PBLD: variants seen among roughly 807,000 people sequenced by gnomAD.
PBLD encodes the protein phenazine biosynthesis like protein domain containing.
Under a neutral mutation model 31.3 loss-of-function variants are expected in PBLD, and 26 were observed. The ratio of observed to expected loss-of-function variants is 0.83; its 90% CI spans 0.61 to 1.15. PBLD has a LOEUF of 1.15. PBLD is among the 50% of genes most tolerant of loss of function. The pLI, the probability that PBLD is intolerant of heterozygous loss-of-function variation, is 0.00. For synonymous variants in PBLD, 114 were observed against 129.0 expected, an observed-to-expected ratio of 0.88 and a Z score of 0.79; for missense variants, 307 against 351.7, an observed-to-expected ratio of 0.87 and a Z score of 1.02.
chr10:68,298,393 A>G (rs920189874), intron 2 of PBLD, among the ~76,000 whole-genome samples: 8 of 152,164 alleles, frequency 5.3e-5, no homozygotes, highest in African/African-American at 1.9e-4. Flanking sequence ...TTGGGAGGCC[A>G]AGGAGAGTGG....
intron 6 of PBLD, 82 bp downstream of exon 6, chr10:68,291,928 T>C: frequency 2.9e-6 from 4 of 1,388,342 alleles, no homozygotes; most frequent in Middle Eastern, 2.1e-4. Context: ...AAAATGCCTA[T>C]CTTTGTGGAT....
At chr10:68,322,741 A>G (rs2134539755) in intron 1 of PBLD, among the ~76,000 whole-genome samples, 1 of 151,620 alleles carries the variant, frequency 6.6e-6, no homozygotes, top group Admixed American at 6.6e-5. Context: ...CCATCAATGT[A>G]AGATTTGTTT....
intron 8 of PBLD, among the ~76,000 whole-genome samples, chr10:68,286,435 C>A (rs1166912808): frequency 6.6e-6 from 1 of 152,020 alleles, no homozygotes; most frequent in Non-Finnish European, 1.5e-5. Flanking sequence ...CTCCTTCTTC[C>A]CAGAGTGCAT....
chr10:68,300,419 AC>A (rs2044490346), intron 2 of PBLD, among the ~76,000 whole-genome samples: 1 of 152,154 alleles, frequency 6.6e-6, no homozygotes, highest in African/African-American at 2.4e-5. Context: ...GAGAAAATGG[AC>A]CCCTGCAAGG....
intron 1 of PBLD, among the ~76,000 whole-genome samples, chr10:68,328,036 G>A (rs887880254): frequency 1.3e-5 from 2 of 152,108 alleles, no homozygotes; most frequent in Non-Finnish European, 2.9e-5. Flanking sequence ...AAACAAAAAA[G>A]TATCAAGAAT....
At chr10:68,331,577 C>G (rs2134588030) in intron 1 of PBLD, 1 of 152,398 alleles carries the variant, frequency 6.6e-6, no homozygotes, top group South Asian at 2.1e-4. Context: ...AGAAACACTC[C>G]TATTTTTCAC....
chr10:68,291,572 C>G (rs908554324), intron 6 of PBLD, among the ~76,000 whole-genome samples: 1 of 152,112 alleles, frequency 6.6e-6, no homozygotes. Flanking sequence ...CTCTTTCTGC[C>G]AGAAATTCCC....
chr10:68,328,224 A>G (rs2044954201), intron 1 of PBLD, among the ~76,000 whole-genome samples: 2 of 152,198 alleles, frequency 1.3e-5, no homozygotes, highest in Non-Finnish European at 2.9e-5. Context: ...AATTTAGTGG[A>G]TTTTGTTACA....
chr10:68,324,467 G>A (rs1198948170), intron 1 of PBLD, among the ~76,000 whole-genome samples: 1 of 151,862 alleles, frequency 6.6e-6, no homozygotes, highest in Admixed American at 6.6e-5. Context: ...GAGCCACTGT[G>A]CCCAGCCAAA....
chr10:68,332,538 G>T (rs571381923), intron 1 of PBLD, among the ~76,000 whole-genome samples: 1 of 152,278 alleles, frequency 6.6e-6, no homozygotes, highest in African/African-American at 2.4e-5. Flanking sequence ...TCGGCTTCCC[G>T]CCCTTCCCCG....
chr10:68,324,647 G>A lies in PBLD; in HGVS notation c.-60+8137C>T, dbSNP rs1329879201. On this transcript the variant is annotated intron_variant, in intron 1 of 9. Transcript: ENST00000358769. ...TTATTTATTTATTTAGAGACAGGGT[G>A]TCACTCGCCCAGACTGGAGTGCAGT... Among the ~76,000 whole-genome samples, 7 of 150,020 alleles carry A rather than the reference G, an allele frequency of 4.7e-5. No homozygotes were observed. In the East Asian group the frequency reaches 1.4e-3, roughly 30 times the overall value.
chr10:68,288,424 CTATTTGTGAT>C, intron 8 of PBLD, 49 bp downstream of exon 8: 1 of 1,559,900 alleles, frequency 6.4e-7, no homozygotes, highest in South Asian at 1.2e-5. Flanking sequence ...ACTTAAATAA[CTATTTGTGAT>C]CCTCCTCTTC....
At chr10:68,297,755 G>A (rs1034494372) in intron 2 of PBLD, among the ~76,000 whole-genome samples, 1 of 152,072 alleles carries the variant, frequency 6.6e-6, no homozygotes, top group South Asian at 2.1e-4. Context: ...AAATTAAACG[G>A]AGAGATCATA....
At chr10:68,298,705 A>G (rs1047721184) in intron 2 of PBLD, among the ~76,000 whole-genome samples, 2 of 152,000 alleles carry the variant, frequency 1.3e-5, no homozygotes, top group Admixed American at 1.3e-4. Flanking sequence ...TAAGATGGGA[A>G]TAATAGCACT....
At chr10:68,292,317 G>C (rs1355964917) in intron 4 of PBLD, 79 bp from the exon 5 acceptor site, 2 of 1,247,410 alleles carry the variant, frequency 1.6e-6, no homozygotes, top group African/African-American at 2.9e-5. Flanking sequence ...CCTTTGCATT[G>C]TCTTAGATTT....
chr10:68,295,473 A>G (rs2044411933), intron 4 of PBLD, among the ~76,000 whole-genome samples: 1 of 150,210 alleles, frequency 6.7e-6, no homozygotes, highest in African/African-American at 2.5e-5. Context: ...AGTCTGGTCA[A>G]CCGAGCCAGG....
At chr10:68,331,730 ACTT>A (rs1424167229) in intron 1 of PBLD, 1 of 152,154 alleles carries the variant, frequency 6.6e-6, no homozygotes, top group African/African-American at 2.4e-5. Context: ...TCACCGGAGA[ACTT>A]CTCCAGAGCG....
intron 1 of PBLD, among the ~76,000 whole-genome samples, chr10:68,330,716 GTGTGTGTGTGTGTGTGTGTGT>G: frequency 3.9e-5 from 1 of 25,938 alleles, no homozygotes; most frequent in Admixed American, 4.2e-4. Flanking sequence ...CGGCGTGTGT[GTGTGTGTGTGTGTGTGTGTGT>G]GTGTGTGTGT....
intron 2 of PBLD, among the ~76,000 whole-genome samples, chr10:68,302,779 T>A (rs1217661111): frequency 6.7e-6 from 1 of 150,052 alleles, no homozygotes; most frequent in Admixed American, 6.7e-5. Flanking sequence ...AGTTCAAGGC[T>A]GCAGTGAGCT....
Sources: gnomAD v4.1 joint callset for allele counts (sites outside exome capture counted in the v4.1 genomes callset) on GRCh38, gnomAD v4.1.1 for gene constraint, MANE v1.5 for transcripts, NCBI Gene and HGNC (gene_info 2026-07-23, HGNC 2026-07-21) for gene names.